Variants in NKD1 observed in about 807,000 individuals in gnomAD.
The protein encoded by NKD1 is NKD inhibitor of Wnt signaling pathway 1.
A neutral mutation model predicts 56.0 loss-of-function variants in NKD1; 21 were observed. The observed-to-expected ratio is 0.38, with a 90% CI of 0.27 to 0.54. The LOEUF is 0.54. Ranked by LOEUF, NKD1 falls within the 20% of genes least tolerant of loss-of-function variation. The pLI is 0.82. For synonymous variants in NKD1, 263 were observed against 265.7 expected (o/e 0.99, Z 0.10); for missense variants, 578 against 642.7 (o/e 0.90, Z 1.09).
At chr16:50,583,441 A>G (rs1567340707) in intron 3 of NKD1, among the ~76,000 whole-genome samples, 2 of 152,112 alleles carry the variant, frequency 1.3e-5, no homozygotes, top group South Asian at 2.1e-4. Flanking sequence ...GGCGTCAGAC[A>G]TGAGCCATTT....
intron 3 of NKD1, among the ~76,000 whole-genome samples, chr16:50,576,915 A>T (rs1961006253): frequency 6.6e-6 from 1 of 152,196 alleles, no homozygotes; most frequent in Non-Finnish European, 1.5e-5. Flanking sequence ...GACTCCCTGC[A>T]GTCAGTGATG....
chr16:50,621,446 G>A (rs1336012974), intron 4 of NKD1, among the ~76,000 whole-genome samples, 156 bp from the exon 5 acceptor site: 1 of 152,224 alleles, frequency 6.6e-6, no homozygotes, highest in Non-Finnish European at 1.5e-5. Context: ...TGCCAGAGTA[G>A]TGTGATGTTG....
chr16:50,587,468 T>C (rs867953113), intron 3 of NKD1, among the ~76,000 whole-genome samples: 3 of 152,218 alleles, frequency 2.0e-5, no homozygotes, highest in African/African-American at 7.2e-5. Context: ...TGTATTACTT[T>C]GGGGGGAAAA....
intron 5 of NKD1, chr16:50,625,263 C>G (rs568752317): frequency 1.7e-6 from 1 of 585,464 alleles, no homozygotes; most frequent in East Asian, 2.8e-5. Context: ...ACCAGGCACC[C>G]CTGCAGGCAT....
intron 3 of NKD1, among the ~76,000 whole-genome samples, chr16:50,593,759 A>AT (rs1265040707): frequency 2.0e-5 from 3 of 152,116 alleles, no homozygotes; most frequent in Admixed American, 6.5e-5. Context: ...ATAGCACTTC[A>AT]TTTTTTTGTG....
At chr16:50,570,431 G>T (rs1338123264) in intron 3 of NKD1, among the ~76,000 whole-genome samples, 1 of 152,214 alleles carries the variant, frequency 6.6e-6, no homozygotes, top group Non-Finnish European at 1.5e-5. Flanking sequence ...CACAGGCTCT[G>T]TATGAAGAGG....
chr16:50,600,048 C>T (rs910196875), intron 3 of NKD1, among the ~76,000 whole-genome samples: 7 of 152,196 alleles, frequency 4.6e-5, no homozygotes, highest in African/African-American at 1.2e-4. Flanking sequence ...CCCCACCCAC[C>T]GTCTTCCTAC....
chr16:50,624,084 G>C (rs1009498070), intron 5 of NKD1, among the ~76,000 whole-genome samples: 1 of 152,144 alleles, frequency 6.6e-6, no homozygotes, highest in Non-Finnish European at 1.5e-5. Context: ...TTTGTAGGCA[G>C]GTGCCTTTCC....
intron 2 of NKD1, chr16:50,548,988 C>T: frequency 1.1e-6 from 1 of 942,882 alleles, no homozygotes; most frequent in Non-Finnish European, 1.3e-6. Context: ...CTCCCGCGTC[C>T]CTGCCCTCGG....
chr16:50,554,046 T>G (rs898878754), intron 3 of NKD1: 2 of 152,326 alleles, frequency 1.3e-5, no homozygotes, highest in African/African-American at 4.8e-5. Flanking sequence ...CTTTGTGATG[T>G]GGTCTCCGGT....
At chr16:50,626,826 G>A (rs71384572) in intron 6 of NKD1, among the ~76,000 whole-genome samples, 2,975 of 152,220 alleles carry the variant, frequency 0.02, 31 homozygotes, top group Non-Finnish European at 0.029. Context: ...ATGCACCTGC[G>A]CGGCGGTCGC....
At position 50,633,855 on chromosome 16, in the gene NKD1, TA is replaced by T; in HGVS notation, c.*76del. The T allele has an allele frequency of 1.5e-6, 1 of 664,748 alleles. No homozygotes were observed. Among genetic ancestry groups the T allele is most frequent in the African/African-American group, 1.8e-5 (1 of 54,202 alleles). 41.2% of individuals were successfully genotyped at this position (664,748 alleles called of 1,614,324 possible). Reference sequence around the variant, plus strand: ...ACACCACAAGGCATTATTATTCTATTAATTATTGTTATTATGATGATTATTG... The same window carrying T: ...ACACCACAAGGCATTATTATTCTATTATTATTGTTATTATGATGATTATTG... On this transcript the variant is annotated 3_prime_UTR_variant, in exon 10 of 10. Coordinates refer to ENST00000268459, the MANE Select transcript of NKD1 (RefSeq NM_033119.5). This position sits in a 1 kb window ranked among gnomAD's most constrained non-coding sequence, Gnocchi z 4.9.
intron 3 of NKD1, among the ~76,000 whole-genome samples, chr16:50,585,640 G>A (rs765575645): frequency 6.6e-6 from 1 of 152,132 alleles, no homozygotes; most frequent in Non-Finnish European, 1.5e-5. Flanking sequence ...CCTTCCCCAC[G>A]CCCCAAGTCA....
intron 4 of NKD1, among the ~76,000 whole-genome samples, chr16:50,612,840 G>T (rs1465841899): frequency 2.6e-5 from 4 of 152,216 alleles, no homozygotes; most frequent in Non-Finnish European, 4.4e-5. Flanking sequence ...TGCCCAGATG[G>T]TTGGGTGGGT....
chr16:50,588,101 G>C (rs982378320), intron 3 of NKD1, among the ~76,000 whole-genome samples: 8 of 152,334 alleles, frequency 5.3e-5, no homozygotes, highest in Non-Finnish European at 1.2e-4. Flanking sequence ...AATGAAACGG[G>C]AATGGCTGGT....
In NKD1 at chr16:50,646,475, G is replaced by C. The variant is rs1175400148; in HGVS notation, c.*12694G>C. ...TTTATGAAAGAAGAAATTGATGGGA[G>C]ACATGGCGTGGGGAGGAGGCGGCCT... On this transcript the variant is annotated 3_prime_UTR_variant, in exon 10 of 10. Transcript: ENST00000268459. 6.6e-6 allele frequency: 1 copy of C among 152,276 alleles called. No individual in the cohort carries two copies. Among genetic ancestry groups the C allele is most frequent in the Non-Finnish European group, 1.5e-5 (1 of 68,072 alleles). 9.4% of individuals were successfully genotyped at this position (152,276 alleles called of 1,614,324 possible). A position where few individuals can be genotyped will look rare whatever the true frequency, so the allele number is the denominator to read the frequency against.
At chr16:50,594,756 G>A (rs924347369) in intron 3 of NKD1, among the ~76,000 whole-genome samples, 10 of 152,056 alleles carry the variant, frequency 6.6e-5, no homozygotes, top group African/African-American at 2.4e-4. Context: ...CCTCTGAAGA[G>A]GGCCCCCAGG....
chr16:50,577,160 T>C (rs571642335), intron 3 of NKD1, among the ~76,000 whole-genome samples: 1 of 152,304 alleles, frequency 6.6e-6, no homozygotes, highest in African/African-American at 2.4e-5. Flanking sequence ...TTCATGACCT[T>C]GGCCAAGTCA....
chr16:50,585,839 G>T (rs147133260), intron 3 of NKD1, among the ~76,000 whole-genome samples: 24 of 152,206 alleles, frequency 1.6e-4, no homozygotes, highest in Admixed American at 1.1e-3. Flanking sequence ...TGTCACAGAC[G>T]TGCTGATCAC....
Sources: allele counts gnomAD v4.1 joint callset (sites outside exome capture counted in the v4.1 genomes callset), GRCh38; gene constraint gnomAD v4.1.1; non-coding constraint Gnocchi (gnomAD v3.1); transcripts MANE v1.5; gene names NCBI Gene and HGNC (gene_info 2026-07-23, HGNC 2026-07-21).